CDH18: variants seen among roughly 807,000 people sequenced by gnomAD.
The protein encoded by CDH18 is cadherin-18.
A neutral mutation model predicts 67.9 loss-of-function variants in CDH18; 31 were observed. That is an observed-to-expected ratio of 0.46 (90% CI 0.34 to 0.62). The LOEUF (loss-of-function observed/expected upper bound fraction) is 0.62, where lower values mean the gene tolerates loss of function less well. Ranked by LOEUF, CDH18 falls within the 20% of genes least tolerant of loss-of-function variation. CDH18 has a pLI of 0.01. For missense variants in CDH18, 890 were observed against 975.5 expected (o/e 0.91, Z 1.17); for synonymous variants, 362 against 347.2 (o/e 1.04, Z -0.48).
chr5:20,423,946 C>CTAAAAAAAAAAAAAAAAA (rs1748069474), intron 1 of CDH18, among the ~76,000 whole-genome samples: 1 of 63,858 alleles, frequency 1.6e-5, no homozygotes, highest in African/African-American at 8.9e-5. Context: ...GACTCCGTCT[C>CTAAAAAAAAAAAAAAAAA]AAAAAAAAAA....
intron 3 of CDH18, among the ~76,000 whole-genome samples, chr5:19,812,771 AG>A (rs1778881982): frequency 6.6e-6 from 1 of 152,146 alleles, no homozygotes; most frequent in African/African-American, 2.4e-5. Context: ...CGATTCCTCA[AG>A]GATCTAGAAC....
intron 2 of CDH18, among the ~76,000 whole-genome samples, chr5:19,875,116 A>G (rs1786788338): frequency 6.6e-6 from 1 of 152,152 alleles, no homozygotes; most frequent in Admixed American, 6.5e-5. Flanking sequence ...AATCCTCTTA[A>G]TAGTAGATAC....
At chr5:20,500,053 T>C (rs1754159528) in intron 1 of CDH18, among the ~76,000 whole-genome samples, 1 of 152,148 alleles carries the variant, frequency 6.6e-6, no homozygotes, top group Non-Finnish European at 1.5e-5. Flanking sequence ...ATCTAGTTTC[T>C]AGGCTTATAC....
chr5:19,908,730 C>T (rs2150131990), intron 2 of CDH18, among the ~76,000 whole-genome samples: 1 of 152,186 alleles, frequency 6.6e-6, no homozygotes, highest in Non-Finnish European at 1.5e-5. Context: ...TCCATTGCTT[C>T]CAAGTAAGCA....
intron 5 of CDH18, among the ~76,000 whole-genome samples, chr5:19,648,703 A>AT (rs1755147789): frequency 6.6e-6 from 1 of 151,938 alleles, no homozygotes; most frequent in African/African-American, 2.4e-5. Context: ...CCATTCAGTC[A>AT]TTTTAACAAT....
chr5:20,423,670 G>T (rs527692121), intron 1 of CDH18, among the ~76,000 whole-genome samples: 1 of 151,030 alleles, frequency 6.6e-6, no homozygotes, highest in African/African-American at 2.5e-5. Flanking sequence ...TAGAGGCCGG[G>T]CGCGGTGGCT....
chr5:20,362,174 G>C lies in CDH18; in HGVS notation c.-579-106669C>G, dbSNP rs144315503. Among the ~76,000 whole-genome samples the C allele has an allele frequency of 3.3e-4, 50 of 152,218 alleles. No homozygotes were observed. In the South Asian group the frequency reaches 8.5e-3, roughly 26 times the overall value. On this transcript the variant is annotated intron_variant, in intron 1 of 14. Coordinates refer to the CDH18 transcript ENST00000507958. ...TAATTCAACTTTCCTGTTTGGTCTA[G>C]AGACATAATTCCCTCTTGAGAAATA...
intron 2 of CDH18, among the ~76,000 whole-genome samples, chr5:19,927,709 C>A (rs2150188311): frequency 6.6e-6 from 1 of 152,102 alleles, no homozygotes; most frequent in African/African-American, 2.4e-5. Flanking sequence ...AAAAATATTT[C>A]ATTTCTTAAA....
chr5:19,956,546 G>C (rs1796274262), intron 2 of CDH18, among the ~76,000 whole-genome samples: 1 of 151,158 alleles, frequency 6.6e-6, no homozygotes, highest in Admixed American at 6.6e-5. Flanking sequence ...AAAATATTTA[G>C]TGATAATTTA....
intron 2 of CDH18, among the ~76,000 whole-genome samples, chr5:20,120,868 A>G (rs548283911): frequency 1.4e-4 from 22 of 152,272 alleles, no homozygotes; most frequent in African/African-American, 5.3e-4. Context: ...AATGATTAGC[A>G]TCTGATCTGC....
chr5:20,096,377 T>A (rs1485456531), intron 2 of CDH18, among the ~76,000 whole-genome samples: 2 of 152,116 alleles, frequency 1.3e-5, no homozygotes, highest in Non-Finnish European at 2.9e-5. Context: ...GAAAAAAATG[T>A]ACCACATATT....
chr5:19,839,211 A>G lies in CDH18; in HGVS notation c.-225T>C. On this transcript the variant is annotated 5_prime_UTR_variant, in exon 3 of 13. The change abolishes the stop of an existing upstream ORF in the 5' untranslated region. Transcript: ENST00000382275. ...CGTAGTTGTCTGATTCCAACTCTTC[A>G]CAGTAGTTGAACACAAGCAACCATT... The G allele has an allele frequency of 2.0e-6, 1 of 499,128 alleles. No homozygotes were observed. The highest frequency in any genetic ancestry group is 3.2e-5 in the East Asian group (1 of 31,244). The allele number at this position is 499,128 out of a possible 1,614,324, so 30.9% of individuals were successfully genotyped here.
chr5:19,895,340 G>A (rs10073931), intron 2 of CDH18, among the ~76,000 whole-genome samples: 74,767 of 151,960 alleles, frequency 0.49, 18,503 homozygotes, highest in Middle Eastern at 0.65. Flanking sequence ...CTTGTTTAAG[G>A]TCATACTTTT....
chr5:19,863,889 A>G (rs1286503228), intron 2 of CDH18, among the ~76,000 whole-genome samples: 1 of 151,952 alleles, frequency 6.6e-6, no homozygotes, highest in Non-Finnish European at 1.5e-5. Context: ...TAAAACACAA[A>G]CTCGATGTGG....
intron 2 of CDH18, among the ~76,000 whole-genome samples, chr5:19,967,712 T>C (rs943260696): frequency 6.6e-6 from 1 of 152,086 alleles, no homozygotes; most frequent in Non-Finnish European, 1.5e-5. Context: ...GAGCTATCTA[T>C]GACAAACCCA....
intron 2 of CDH18, among the ~76,000 whole-genome samples, chr5:20,025,316 G>A (rs1442396576): frequency 6.6e-6 from 1 of 152,062 alleles, no homozygotes; most frequent in Non-Finnish European, 1.5e-5. Flanking sequence ...CTTTTGGAAA[G>A]TAGCAGATAT....
chr5:20,516,287 G>T (rs764979570), intron 1 of CDH18, among the ~76,000 whole-genome samples: 1 of 151,772 alleles, frequency 6.6e-6, no homozygotes, highest in Admixed American at 6.6e-5. Flanking sequence ...CCTTCTAAGC[G>T]CATAGGAGAA....
chr5:19,771,529 T>C (rs1357003358), intron 3 of CDH18, among the ~76,000 whole-genome samples: 1 of 152,166 alleles, frequency 6.6e-6, no homozygotes, highest in African/African-American at 2.4e-5. Context: ...CTTGAAATGA[T>C]TGCAACCCCA....
intron 6 of CDH18, among the ~76,000 whole-genome samples, chr5:19,593,401 C>T (rs1205865797): frequency 6.6e-6 from 1 of 152,134 alleles, no homozygotes; most frequent in African/African-American, 2.4e-5. Context: ...TTTTGATTTG[C>T]ATTTCCATGA....
Sources: gnomAD v4.1 joint callset for allele counts (sites outside exome capture counted in the v4.1 genomes callset) on GRCh38, gnomAD v4.1.1 for gene constraint, MANE v1.5 for transcripts, NCBI Gene and HGNC (gene_info 2026-07-23, HGNC 2026-07-21) for gene names.